SMIM36: variants seen among roughly 807,000 people sequenced by gnomAD.
SMIM36 encodes the protein small integral membrane protein 36.
At chr17:55,501,185 A>AG (rs1370259857) in intron 1 of SMIM36, among the ~76,000 whole-genome samples, 1 of 74,368 alleles carries the variant, frequency 1.3e-5, no homozygotes, top group Non-Finnish European at 2.4e-5. Context: ...ATTATAATAT[A>AG]TAATATATCT....
rs1450637311 is a variant in SMIM36 at position 55,493,240 on chromosome 17, TG to T, written c.*175-13661del. Among the ~76,000 whole-genome samples, 6 of 152,314 alleles carry T rather than the reference TG, an allele frequency of 3.9e-5. No homozygotes were observed. The South Asian group carries it at 1.0e-3, about 26-fold the overall frequency. Reference sequence around the variant, plus strand: ...ACAAAGAAAGAGGCAGGGTCAAACATGCCATAGCCAAAAGGTCCTTGGCATG... The same window carrying T: ...ACAAAGAAAGAGGCAGGGTCAAACATCCATAGCCAAAAGGTCCTTGGCATG... On this transcript the variant is annotated intron_variant, in intron 1 of 4. Coordinates refer to ENST00000636752, the Ensembl canonical transcript of SMIM36.
chr17:55,524,315 A>T, the SMIM36 span, among the ~76,000 whole-genome samples: 1 of 152,132 alleles, frequency 6.6e-6, no homozygotes, highest in Non-Finnish European at 1.5e-5. Flanking sequence ...TCTTTATGTA[A>T]TCTGTCATCG....
the SMIM36 span, among the ~76,000 whole-genome samples, chr17:55,525,901 G>A: frequency 5.9e-5 from 9 of 151,990 alleles, no homozygotes; most frequent in East Asian, 9.7e-4. Context: ...CAAGCGATCC[G>A]CCTGCCTCGA....
intron 1 of SMIM36, among the ~76,000 whole-genome samples, chr17:55,507,292 G>C (rs920070352): frequency 1.1e-5 from 1 of 92,762 alleles, no homozygotes; most frequent in Non-Finnish European, 2.0e-5. Flanking sequence ...TGTTTATTGC[G>C]GCATTATTCA....
chr17:55,511,464 C>T (rs1910181586), upstream of SMIM36: 2 of 393,834 alleles, frequency 5.1e-6, no homozygotes. Context: ...TTAATCCCTA[C>T]TGCTCCAGGA....
rs1200579612 is a variant in SMIM36 at position 55,511,196 on chromosome 17, C to T, written c.139G>A (p.Ala47Thr). The T allele has an allele frequency of 1.5e-5, 6 of 398,504 alleles. 1 individual carries two copies. Among genetic ancestry groups the T allele is most frequent in the Middle Eastern group, 6.2e-4 (1 of 1,612 alleles). The allele number at this position is 398,504 out of a possible 1,614,324, so 24.7% of individuals were successfully genotyped here. The change falls in exon 1 of 5, where the codon GCG (alanine) becomes ACG (threonine). Residue 47 changes from alanine to threonine, a missense_variant. Transcript: ENST00000636752. ...TGGGCCTCGAGAGTGGCCTCGGGCG[C>T]GTACTCCTTACTGGGATCCTTGCCT...
chr17:55,488,364 T>C (rs1909643299), intron 1 of SMIM36, among the ~76,000 whole-genome samples: 1 of 152,202 alleles, frequency 6.6e-6, no homozygotes, highest in Non-Finnish European at 1.5e-5. Flanking sequence ...TTTCAAACAC[T>C]TACACAACTA....
At chr17:55,458,051 C>T (rs1567862172) in intron 4 of SMIM36, among the ~76,000 whole-genome samples, 3 of 152,078 alleles carry the variant, frequency 2.0e-5, no homozygotes, top group Non-Finnish European at 4.4e-5. Context: ...TTTCTCCTTC[C>T]TACTTTACAT....
chr17:55,461,231 C>T (rs978336289), intron 4 of SMIM36, among the ~76,000 whole-genome samples: 4 of 152,188 alleles, frequency 2.6e-5, no homozygotes, highest in African/African-American at 9.6e-5. Context: ...TCAACATCAC[C>T]TTACTCCCCC....
intron 4 of SMIM36, among the ~76,000 whole-genome samples, chr17:55,464,092 G>T (rs1001481939): frequency 2.2e-4 from 33 of 152,082 alleles, no homozygotes; most frequent in African/African-American, 7.2e-4. Context: ...TCCAGCCTGG[G>T]TGACAAAGCA....
intron 4 of SMIM36, among the ~76,000 whole-genome samples, chr17:55,453,818 A>G (rs12944990): frequency 0.52 from 78,782 of 152,104 alleles, 22,757 homozygotes; most frequent in Non-Finnish European, 0.66. Flanking sequence ...GTCAAGACTA[A>G]GTAGGGCAGT....
upstream of SMIM36, among the ~76,000 whole-genome samples, chr17:55,512,530 A>G (rs1689519752): frequency 6.6e-6 from 1 of 152,270 alleles, no homozygotes; most frequent in Non-Finnish European, 1.5e-5. Context: ...TACTGATCGG[A>G]TTACAGTTAT....
the SMIM36 span, among the ~76,000 whole-genome samples, chr17:55,518,755 G>A: frequency 2.0e-5 from 3 of 152,124 alleles, no homozygotes; most frequent in Non-Finnish European, 4.4e-5. Flanking sequence ...GAGCCCATGG[G>A]TTGTGAGTTG....
At chr17:55,523,780 A>G in the SMIM36 span, among the ~76,000 whole-genome samples, 3 of 152,166 alleles carry the variant, frequency 2.0e-5, no homozygotes, top group African/African-American at 7.2e-5. Flanking sequence ...GGGCTTTCAA[A>G]TTGCCTGGCT....
intron 1 of SMIM36, among the ~76,000 whole-genome samples, chr17:55,510,216 GTATGCATTCC>G (rs55824040): frequency 0.37 from 56,136 of 151,684 alleles, 11,056 homozygotes; most frequent in Non-Finnish European, 0.44. Context: ...TGTTTTAGTT[GTATGCATTCC>G]TTATTCTGTC....
chr17:55,502,134 G>A (rs368600105), intron 1 of SMIM36, among the ~76,000 whole-genome samples: 1 of 150,386 alleles, frequency 6.6e-6, no homozygotes, highest in Non-Finnish European at 1.5e-5. Flanking sequence ...CAAGGCGGCA[G>A]CGAGGCTGGG....
Position 55,500,784 on chromosome 17 carries a change from A to G in SMIM36, c.*174+10095T>C, listed in dbSNP as rs575663685. Among the ~76,000 whole-genome samples the G allele has an allele frequency of 3.2e-4, 19 of 58,674 alleles. 2 individuals are homozygous for G. In the South Asian group the frequency reaches 6.9e-3, roughly 21 times the overall value. The allele number at this position is 58,674 out of a possible 152,430, so 38.5% of individuals were successfully genotyped here. A position where few individuals can be genotyped will look rare whatever the true frequency, so the allele number is the denominator to read the frequency against. ...TTTTATATTTTATAATATATAATAT[A>G]TTATTATATATTTTATAATATATTA... On this transcript the variant is annotated intron_variant, in intron 1 of 4. Transcript: ENST00000636752.
intron 1 of SMIM36, among the ~76,000 whole-genome samples, chr17:55,489,412 TAAGAAAAA>T (rs1909664031): frequency 6.6e-6 from 1 of 151,652 alleles, no homozygotes; most frequent in Non-Finnish European, 1.5e-5. Flanking sequence ...GAGAAATGTG[TAAGAAAAA>T]AGGAAAAAAG....
the SMIM36 span, among the ~76,000 whole-genome samples, chr17:55,516,870 T>C: frequency 6.6e-6 from 1 of 152,060 alleles, no homozygotes; most frequent in Admixed American, 6.6e-5. Flanking sequence ...AGCCTTCCTA[T>C]TCTTGAGGAA....
Sources: allele counts gnomAD v4.1 joint callset (sites outside exome capture counted in the v4.1 genomes callset), GRCh38; gene constraint gnomAD v4.1.1; transcripts MANE v1.5; gene names NCBI Gene and HGNC (gene_info 2026-07-23, HGNC 2026-07-21).